SCCPDH: variants seen among roughly 807,000 people sequenced by gnomAD.
The protein encoded by SCCPDH is saccharopine dehydrogenase (putative), also known as saccharopine dehydrogenase-like oxidoreductase.
Under a neutral mutation model 51.5 loss-of-function variants are expected in SCCPDH, and 34 were observed. The observed-to-expected ratio is 0.66, with a 90% CI of 0.50 to 0.88. The LOEUF (loss-of-function observed/expected upper bound fraction) is 0.88. SCCPDH is among the 40% of genes least tolerant of loss of function. The pLI is 0.00. For synonymous variants in SCCPDH, 187 were observed against 191.3 expected (o/e 0.98, Z 0.19); for missense variants, 464 against 527.1 (o/e 0.88, Z 1.17).
At chr1:246,749,968 G>A (rs529277777) in intron 5 of SCCPDH, among the ~76,000 whole-genome samples, 47 of 152,286 alleles carry the variant, frequency 3.1e-4, no homozygotes, top group Non-Finnish European at 5.0e-4. Flanking sequence ...AATAGAAGGG[G>A]AAAAGAAAGA....
chr1:246,735,873 T>C, intron 2 of SCCPDH, 102 bp from the exon 3 acceptor site: 1 of 738,176 alleles, frequency 1.4e-6, no homozygotes, highest in Admixed American at 2.6e-5. Flanking sequence ...TAACAGTTGA[T>C]TTCTTGATAA....
intron 5 of SCCPDH, among the ~76,000 whole-genome samples, chr1:246,757,266 C>G (rs2102989562): frequency 6.8e-6 from 1 of 147,902 alleles, no homozygotes; most frequent in South Asian, 2.2e-4. Flanking sequence ...ATTGCTTGAA[C>G]CTAGGAGGCA....
At chr1:246,736,110 G>T in intron 3 of SCCPDH, 55 bp downstream of exon 3, 4 of 1,180,800 alleles carry the variant, frequency 3.4e-6, no homozygotes, top group Non-Finnish European at 3.7e-6. Flanking sequence ...TCGGTTTAAT[G>T]AAGTGGAAAT....
intron 11 of SCCPDH, 21 bp downstream of exon 11, chr1:246,766,160 A>G (rs780271232): frequency 7.2e-6 from 11 of 1,519,714 alleles, no homozygotes; most frequent in South Asian, 2.3e-5. Flanking sequence ...TTTTCTTCCA[A>G]TTAGAAGATC....
chr1:246,736,322 A>C (rs145179612), intron 3 of SCCPDH, among the ~76,000 whole-genome samples: 261 of 152,322 alleles, frequency 1.7e-3, no homozygotes, highest in African/African-American at 6.1e-3. Flanking sequence ...CATGCTTTAA[A>C]CTGAATCAAT....
chr1:246,746,107 CAA>C (rs756929255), intron 5 of SCCPDH, among the ~76,000 whole-genome samples: 8 of 79,584 alleles, frequency 1.0e-4, no homozygotes, highest in African/African-American at 4.2e-4. Flanking sequence ...GACTCCATCT[CAA>C]AAAAAAAAAA....
chr1:246,747,732 A>G (rs3007323), intron 5 of SCCPDH, among the ~76,000 whole-genome samples: 44,270 of 151,994 alleles, frequency 0.29, 8,023 homozygotes, highest in South Asian at 0.41. Context: ...CCGATTGGCT[A>G]TTTTAAAGAG....
At position 246,724,523 on chromosome 1, in the gene SCCPDH, C is replaced by T. The variant is rs1002653128; in HGVS notation, c.101C>T (p.Pro34Leu). 18 of 1,551,382 alleles carry T rather than the reference C, an allele frequency of 1.2e-5. No individual in the cohort carries two copies. The highest frequency in any genetic ancestry group is 4.2e-5 in the African/African-American group (3 of 71,134). ...GAGGTGGCCCGGGAGCAGGTGGACC[C>T]GGAGCGGAGCTCCCGCCTGCCCTGG... Reference protein sequence around the residue: ...TEEVAREQVDPERSSRLPWAV... With the variant: ...TEEVAREQVDLERSSRLPWAV... Residue 34 changes from proline (P) to leucine (L), a missense_variant, in exon 1 of 12, where the codon CCG (proline) becomes CTG (leucine). Physicochemically the swap from Pro to Leu is moderately conservative, Grantham distance 98 (BLOSUM62 -3). Coordinates refer to ENST00000366510, the MANE Select transcript of SCCPDH (RefSeq NM_016002.3).
At chr1:246,743,963 T>G in intron 4 of SCCPDH, 113 bp from the exon 5 acceptor site, 1 of 631,744 alleles carries the variant, frequency 1.6e-6, no homozygotes. Context: ...CTGTGTCAGC[T>G]GTAGGCTTAG....
intron 5 of SCCPDH, among the ~76,000 whole-genome samples, chr1:246,750,222 T>C (rs929841395): frequency 7.2e-5 from 11 of 152,134 alleles, no homozygotes; most frequent in African/African-American, 2.7e-4. Context: ...ATGCTAATGT[T>C]GGTGTACTGG....
chr1:246,741,904 T>C (rs1016325003), intron 4 of SCCPDH, among the ~76,000 whole-genome samples: 2 of 152,130 alleles, frequency 1.3e-5, no homozygotes, highest in East Asian at 3.9e-4. Flanking sequence ...TTGTCTCTAC[T>C]AAAAATACAA....
intron 4 of SCCPDH, among the ~76,000 whole-genome samples, chr1:246,741,437 C>T (rs916001953): frequency 5.3e-5 from 8 of 152,118 alleles, no homozygotes; most frequent in African/African-American, 1.7e-4. Flanking sequence ...GCTAGGACTG[C>T]AGGCTTATGC....
At chr1:246,752,669 G>A (rs1331570318) in intron 5 of SCCPDH, among the ~76,000 whole-genome samples, 1 of 151,740 alleles carries the variant, frequency 6.6e-6, no homozygotes, top group South Asian at 2.1e-4. Flanking sequence ...CTCGATTCCT[G>A]TCTTTTGACC....
At position 246,735,197 on chromosome 1, in the gene SCCPDH, G is replaced by A. The variant is rs560262707; in HGVS notation, c.304-778G>A. 2.4e-4 allele frequency among the ~76,000 whole-genome samples: 36 copies of A among 152,314 alleles called. No homozygotes were observed. In the South Asian group the frequency reaches 7.5e-3, roughly 32 times the overall value. On this transcript the variant is annotated intron_variant, in intron 2 of 11. Coordinates refer to ENST00000366510, the MANE Select transcript of SCCPDH (RefSeq NM_016002.3). ...ACTAGAAAGGATAAAGTTGAAACTT[G>A]TTAGCATGGCACATGTGGTCCTTCC...
chr1:246,756,850 C>T (rs1668939409), intron 5 of SCCPDH, among the ~76,000 whole-genome samples: 1 of 152,194 alleles, frequency 6.6e-6, no homozygotes, highest in African/African-American at 2.4e-5. Flanking sequence ...AAGGTACCTT[C>T]ATATCTGCCT....
At chr1:246,761,593 G>A (rs148969063) in intron 9 of SCCPDH, among the ~76,000 whole-genome samples, 182 of 152,196 alleles carry the variant, frequency 1.2e-3, no homozygotes, top group Non-Finnish European at 2.1e-3. Flanking sequence ...ACCGCATTCC[G>A]CTTTCTGTCT....
At chr1:246,755,966 A>G (rs952213304) in intron 5 of SCCPDH, 6 of 152,182 alleles carry the variant, frequency 3.9e-5, no homozygotes, top group Admixed American at 3.9e-4. Context: ...TTGGATTCAT[A>G]CTTTTGCACC....
rs773522105 is a variant in SCCPDH at position 246,767,198 on chromosome 1, CG to C, written c.1192del (p.Val398SerfsTer13). 28 of 1,604,620 alleles carry C rather than the reference CG, an allele frequency of 1.7e-5. No individual in the cohort carries two copies. The highest frequency in any genetic ancestry group is 2.1e-5 in the Non-Finnish European group (25 of 1,174,510). ...TTCTCTTGTTATTGTTTTATAGGGG[CG>C]GGGTCTTCACACCTGGAGCAGCTTT... ...SDASHLPKAG[G>X]VFTPGAAFSK... On this transcript the variant is annotated frameshift_variant, in exon 12 of 12. Transcript: ENST00000366510. LOFTEE classifies it high-confidence loss of function.
intron 9 of SCCPDH, among the ~76,000 whole-genome samples, chr1:246,763,116 GA>G (rs1267476501): frequency 6.6e-6 from 1 of 152,186 alleles, no homozygotes; most frequent in East Asian, 1.9e-4. Context: ...GAGGAAGGAA[GA>G]AGGTTCCAGA....
Sources: gnomAD v4.1 joint callset for allele counts (sites outside exome capture counted in the v4.1 genomes callset) on GRCh38, gnomAD v4.1.1 for gene constraint, MANE v1.5 for transcripts, NCBI Gene and HGNC (gene_info 2026-07-23, HGNC 2026-07-21) for gene names.